The following PAPPA variants were observed in gnomAD, a reference collection of about 807,000 sequenced individuals.
PAPPA encodes pappalysin-1.
PAPPA carries 60 observed loss-of-function variants against 164.0 expected under a neutral mutation model. The ratio of observed to expected loss-of-function variants is 0.37; its 90% CI spans 0.30 to 0.45. The LOEUF (loss-of-function observed/expected upper bound fraction) is 0.45, where lower values mean the gene tolerates loss of function less well. PAPPA is among the 20% of genes least tolerant of loss of function. The probability of loss-of-function intolerance (pLI) is 1.00; values close to 1 mark genes in which losing one functional copy is unlikely to be tolerated. For synonymous variants in PAPPA, 875 were observed against 814.1 expected (o/e 1.07, Z -1.27); for missense variants, 1,782 against 2,087.3 (o/e 0.85, Z 2.85).
At chr9:116,186,299 C>CAGAG (rs1334134359) in intron 1 of PAPPA, among the ~76,000 whole-genome samples, 1 of 149,726 alleles carries the variant, frequency 6.7e-6, no homozygotes, top group African/African-American at 2.5e-5. Context: ...TATATATAGA[C>CAGAG]AGAGAGAGAG....
intron 19 of PAPPA, chr9:116,373,444 C>T (rs757703679): frequency 7.9e-5 from 12 of 151,992 alleles, no homozygotes; most frequent in East Asian, 7.8e-4. Context: ...ATAATAATAA[C>T]TGATATGATT....
chr9:116,347,032 C>G lies in PAPPA; in HGVS notation c.3787C>G (p.Pro1263Ala). ...DDELIKSQTG[P>A]SVTVTCTEGK... ...GCACGACTCTGCCTTTCAGACGGGA[C>G]CCAGCGTCACAGTGACCTGTACAGA... The change falls in exon 15 of 22, where the codon CCC (proline) becomes GCC (alanine). Residue 1263 changes from proline (P) to alanine (A), a missense_variant. This residue lies in a region of PAPPA where 1,324 missense variants were observed against 1,656.9 expected (regional missense o/e 0.80). Coordinates refer to ENST00000328252, the MANE Select transcript of PAPPA (RefSeq NM_002581.5). The surrounding 1 kb of genome is among the most constrained non-coding windows in gnomAD (Gnocchi z 4.5). The G allele has an allele frequency of 1.2e-6, 2 of 1,611,282 alleles. No homozygotes were observed. Among genetic ancestry groups the G allele is most frequent in the Non-Finnish European group, 1.7e-6 (2 of 1,178,596 alleles).
chr9:116,302,276 A>G (rs1845588596), intron 9 of PAPPA, among the ~76,000 whole-genome samples: 1 of 152,208 alleles, frequency 6.6e-6, no homozygotes, highest in African/African-American at 2.4e-5. Flanking sequence ...TTTTAAATGT[A>G]AAGTACAATA....
chr9:116,346,332 C>CA (rs1846209056), intron 14 of PAPPA, among the ~76,000 whole-genome samples: 1 of 151,832 alleles, frequency 6.6e-6, no homozygotes. Context: ...TTTTCCTAGG[C>CA]TTTTTTTTGT....
At chr9:116,230,964 T>C (rs1844583845) in intron 6 of PAPPA, among the ~76,000 whole-genome samples, 1 of 152,130 alleles carries the variant, frequency 6.6e-6, no homozygotes, top group South Asian at 2.1e-4. Flanking sequence ...TTCTCATTTG[T>C]GTGTTTTCTC....
At chr9:116,219,909 G>A (rs368457630) in intron 4 of PAPPA, 28 bp from the exon 5 acceptor site, 4 of 1,584,188 alleles carry the variant, frequency 2.5e-6, no homozygotes, top group Non-Finnish European at 3.4e-6. Flanking sequence ...GCGGCTTGGT[G>A]CTTATCTCTC....
intron 19 of PAPPA, 92 bp downstream of exon 19, chr9:116,367,846 C>T: frequency 1.2e-6 from 1 of 829,562 alleles, no homozygotes; most frequent in Non-Finnish European, 2.0e-6. Flanking sequence ...TGAGTTCATT[C>T]TTTCACACAT....
At chr9:116,253,716 A>G (rs550985598) in intron 7 of PAPPA, among the ~76,000 whole-genome samples, 2 of 152,316 alleles carry the variant, frequency 1.3e-5, no homozygotes, top group South Asian at 4.2e-4. Flanking sequence ...ATATAACTTT[A>G]ATATGTGAAT....
At chr9:116,359,440 A>T (rs1846395585) in intron 17 of PAPPA, among the ~76,000 whole-genome samples, 1 of 152,122 alleles carries the variant, frequency 6.6e-6, no homozygotes, top group African/African-American at 2.4e-5. Flanking sequence ...CTTATAAGAG[A>T]TTTCACCTTA....
chr9:116,319,311 G>A (rs1329670478), intron 10 of PAPPA, among the ~76,000 whole-genome samples: 3 of 152,204 alleles, frequency 2.0e-5, no homozygotes, highest in Non-Finnish European at 4.4e-5. Context: ...CTAGCTGGAG[G>A]AGCTCAAGCC....
intron 1 of PAPPA, among the ~76,000 whole-genome samples, chr9:116,169,461 A>T (rs760999018): frequency 1.3e-5 from 2 of 151,180 alleles, no homozygotes; most frequent in Non-Finnish European, 2.9e-5. Flanking sequence ...CTGGCATTAC[A>T]GGCACCTGCC....
At chr9:116,396,461 C>T (rs1253523437) in intron 21 of PAPPA, 48 bp from the exon 22 acceptor site, 2 of 778,770 alleles carry the variant, frequency 2.6e-6, no homozygotes, top group Non-Finnish European at 4.8e-6. Flanking sequence ...CCTTTCTGAT[C>T]ATTACTGCTT....
At chr9:116,334,270 T>C (rs925278298) in intron 12 of PAPPA, among the ~76,000 whole-genome samples, 2 of 147,814 alleles carry the variant, frequency 1.4e-5, no homozygotes, top group Non-Finnish European at 1.5e-5. Flanking sequence ...ACAGGGCTCT[T>C]GAGTGAGGCA....
intron 5 of PAPPA, among the ~76,000 whole-genome samples, chr9:116,225,194 A>C (rs1361334834): frequency 6.6e-6 from 1 of 152,218 alleles, no homozygotes; most frequent in East Asian, 1.9e-4. Flanking sequence ...TTGTAACCCC[A>C]GTGTCAGTCT....
chr9:116,184,857 A>G (rs1044448307), intron 1 of PAPPA, among the ~76,000 whole-genome samples: 2 of 152,146 alleles, frequency 1.3e-5, no homozygotes, highest in Admixed American at 6.5e-5. Flanking sequence ...TCTATTTAGA[A>G]TCATTCCCAT....
At chr9:116,334,740 A>G (rs985095967) in intron 12 of PAPPA, 121 bp from the exon 13 acceptor site, 54 of 666,666 alleles carry the variant, frequency 8.1e-5, no homozygotes, top group Non-Finnish European at 1.2e-4. Flanking sequence ...CGGCCGCCCA[A>G]TGGTGCTTTT....
intron 4 of PAPPA, among the ~76,000 whole-genome samples, chr9:116,212,518 C>A (rs1844321017): frequency 6.6e-6 from 1 of 152,176 alleles, no homozygotes; most frequent in Admixed American, 6.5e-5. Context: ...ACTGCACCTG[C>A]AGCTAAGAGT....
rs57723920 is a variant in PAPPA at position 116,305,134 on chromosome 9, GACAC to G, written c.3147+2223_3147+2226del. Among the ~76,000 whole-genome samples the G allele has an allele frequency of 3.3e-3, 426 of 129,936 alleles. 2 individuals are homozygous for G. The highest frequency in any genetic ancestry group is 0.014 in the South Asian group (52 of 3,590). The allele number at this position is 129,936 out of a possible 152,430, so 85.2% of individuals were successfully genotyped here. On this transcript the variant is annotated intron_variant, in intron 10 of 21. Coordinates refer to ENST00000328252, the MANE Select transcript of PAPPA (RefSeq NM_002581.5). The stretch of plus-strand genomic sequence containing the variant: ...GCATACACAAGTACGTGGGCACACA[GACAC>G]ACACACACACACACACACACACACA...
At chr9:116,345,252 A>G (rs16933445) in intron 14 of PAPPA, among the ~76,000 whole-genome samples, 6,833 of 152,232 alleles carry the variant, frequency 0.045, 241 homozygotes, top group East Asian at 0.18. Flanking sequence ...CCACTGTGTG[A>G]TAAATGCTGT....
Sources: allele counts gnomAD v4.1 joint callset (sites outside exome capture counted in the v4.1 genomes callset), GRCh38; gene constraint gnomAD v4.1.1; regional missense constraint gnomAD v4.1.1; non-coding constraint Gnocchi (gnomAD v3.1); transcripts MANE v1.5; gene names NCBI Gene and HGNC (gene_info 2026-07-23, HGNC 2026-07-21).